The following GRIK2 variants were observed in gnomAD, a reference collection of about 807,000 sequenced individuals.
GRIK2 encodes the protein glutamate receptor ionotropic, kainate 2.
Under a neutral mutation model 100.3 loss-of-function variants are expected in GRIK2, and 32 were observed. That is an observed-to-expected ratio of 0.32 (90% CI 0.24 to 0.43). The LOEUF is 0.43. GRIK2 is among the 20% of genes least tolerant of loss of function. The probability of loss-of-function intolerance (pLI) is 1.00; values close to 1 mark genes in which losing one functional copy is unlikely to be tolerated. For synonymous variants in GRIK2, 417 were observed against 389.4 expected (o/e 1.07, Z -0.83); for missense variants, 843 against 1,114.9 (o/e 0.76, Z 3.47).
chr6:101,971,925 T>C (rs1793075914), intron 14 of GRIK2, among the ~76,000 whole-genome samples: 1 of 151,894 alleles, frequency 6.6e-6, no homozygotes, highest in Non-Finnish European at 1.5e-5. Flanking sequence ...AAGGACATGA[T>C]TTTGTTCTTT....
chr6:101,405,356 T>G (rs1775539033), intron 2 of GRIK2, among the ~76,000 whole-genome samples: 1 of 151,912 alleles, frequency 6.6e-6, no homozygotes, highest in African/African-American at 2.4e-5. Flanking sequence ...TAAATGGAAT[T>G]ATAGATCTTT....
At chr6:101,468,759 C>T (rs1047712922) in intron 2 of GRIK2, among the ~76,000 whole-genome samples, 6 of 151,888 alleles carry the variant, frequency 4.0e-5, no homozygotes, top group African/African-American at 9.7e-5. Context: ...TCCAGTAAAC[C>T]ACAGAATGAA....
rs906833617 is a variant in GRIK2, at chr6:101,879,852, G to C, written c.1525-9788G>C. Among the ~76,000 whole-genome samples, 15 of 151,812 alleles carry C rather than the reference G, an allele frequency of 9.9e-5. 1 individual carries two copies. The highest frequency in any genetic ancestry group is 2.2e-4 in the Non-Finnish European group (15 of 67,942). On this transcript the variant is annotated intron_variant, in intron 11 of 16. Coordinates refer to ENST00000369134, the MANE Select transcript of GRIK2 (RefSeq NM_021956.5). Reference sequence around the variant, plus strand: ...AAGTTCACTTTCAAATGGAAAGTGAGGTCTCACGATTTCAAGCAGTGAAAC... The same window carrying C: ...AAGTTCACTTTCAAATGGAAAGTGACGTCTCACGATTTCAAGCAGTGAAAC...
chr6:101,987,331 A>T (rs1794070620), intron 14 of GRIK2, among the ~76,000 whole-genome samples: 1 of 151,838 alleles, frequency 6.6e-6, no homozygotes, highest in Admixed American at 6.6e-5. Context: ...ATAAATTCTA[A>T]TAGTATGCAA....
At chr6:101,884,696 A>G (rs1786494662) in intron 11 of GRIK2, among the ~76,000 whole-genome samples, 1 of 152,160 alleles carries the variant, frequency 6.6e-6, no homozygotes, top group African/African-American at 2.4e-5. Flanking sequence ...TTATTGTACA[A>G]ATAAATTTTA....
chr6:101,552,202 T>C (rs935070187), intron 2 of GRIK2, among the ~76,000 whole-genome samples: 4 of 152,152 alleles, frequency 2.6e-5, no homozygotes, highest in Admixed American at 1.3e-4. Context: ...ATTCCTATCA[T>C]TTGGCAGTTG....
intron 7 of GRIK2, among the ~76,000 whole-genome samples, chr6:101,795,786 C>T (rs1780262513): frequency 6.6e-6 from 1 of 152,146 alleles, no homozygotes; most frequent in Non-Finnish European, 1.5e-5. Flanking sequence ...GGGGATAGTG[C>T]CAGGGGTGTG....
intron 12 of GRIK2, among the ~76,000 whole-genome samples, chr6:101,920,589 A>C (rs768229771): frequency 4.6e-5 from 7 of 151,914 alleles, no homozygotes; most frequent in Non-Finnish European, 7.4e-5. Context: ...CCATGAAGAG[A>C]GAATGAGGAA....
At chr6:101,404,726 G>T (rs747667096) in intron 2 of GRIK2, among the ~76,000 whole-genome samples, 20 of 152,200 alleles carry the variant, frequency 1.3e-4, no homozygotes, top group Non-Finnish European at 2.5e-4. Flanking sequence ...CATTTGGGTA[G>T]TGAAGGTTTA....
chr6:101,506,226 T>C (rs1241788094), intron 2 of GRIK2, among the ~76,000 whole-genome samples: 1 of 152,134 alleles, frequency 6.6e-6, no homozygotes, highest in African/African-American at 2.4e-5. Context: ...AAAAACACTG[T>C]TCATGTGTTT....
chr6:102,017,206 A>G (rs990851754), intron 14 of GRIK2, among the ~76,000 whole-genome samples: 3 of 152,156 alleles, frequency 2.0e-5, no homozygotes, highest in Non-Finnish European at 2.9e-5. Context: ...ACAAGTTGGC[A>G]TAATAAACAA....
chr6:101,679,480 G>A (rs1582946652), intron 5 of GRIK2, among the ~76,000 whole-genome samples: 1 of 152,084 alleles, frequency 6.6e-6, no homozygotes, highest in Non-Finnish European at 1.5e-5. Flanking sequence ...TTTATGTTGA[G>A]GCAATTATTA....
At chr6:101,799,391 A>T (rs1780532458) in intron 7 of GRIK2, among the ~76,000 whole-genome samples, 1 of 152,028 alleles carries the variant, frequency 6.6e-6, no homozygotes, top group Non-Finnish European at 1.5e-5. Context: ...CAACGGCAGT[A>T]CTAGGACTAT....
chr6:102,042,645 T>A (rs1770652042), intron 15 of GRIK2, among the ~76,000 whole-genome samples: 1 of 151,678 alleles, frequency 6.6e-6, no homozygotes, highest in Admixed American at 6.6e-5. Context: ...TATAAAATGG[T>A]CCAACTCTTA....
Position 101,676,887 on chromosome 6 carries a change from T to G in GRIK2, c.723+83T>G. 3 of 763,554 alleles carry G rather than the reference T, an allele frequency of 3.9e-6. No homozygotes were observed. The South Asian group carries it at 5.7e-5, about 14-fold the overall frequency. 47.3% of individuals were successfully genotyped at this position (763,554 alleles called of 1,614,324 possible). A position where few individuals can be genotyped will look rare whatever the true frequency, so the allele number is the denominator to read the frequency against. Reference sequence around the variant, plus strand: ...ATCTTCTTTTAAATCAAAATATTATTGTTATGCAATCAGTTATAATAACCT... The same window carrying G: ...ATCTTCTTTTAAATCAAAATATTATGGTTATGCAATCAGTTATAATAACCT... On this transcript the variant is annotated intron_variant, in intron 5 of 16. Transcript: ENST00000369134.
At chr6:101,427,162 A>T (rs1019969529) in intron 2 of GRIK2, among the ~76,000 whole-genome samples, 5 of 152,198 alleles carry the variant, frequency 3.3e-5, no homozygotes, top group Non-Finnish European at 7.3e-5. Context: ...GTATCTCAAT[A>T]TATTAACAAC....
intron 7 of GRIK2, among the ~76,000 whole-genome samples, chr6:101,753,416 G>C (rs1422608635): frequency 1.3e-5 from 2 of 151,368 alleles, no homozygotes; most frequent in Admixed American, 1.3e-4. Flanking sequence ...AAATCATTTT[G>C]TTCTTTCTTA....
chr6:101,867,035 A>G (rs1015174416), intron 11 of GRIK2, among the ~76,000 whole-genome samples: 2 of 151,926 alleles, frequency 1.3e-5, no homozygotes, highest in African/African-American at 4.8e-5. Flanking sequence ...TTTTTAACTG[A>G]AGCTCAAAAA....
At chr6:101,744,946 A>G (rs937486116) in intron 7 of GRIK2, 2 of 152,098 alleles carry the variant, frequency 1.3e-5, no homozygotes, top group African/African-American at 4.8e-5. Context: ...TTGCAACTGC[A>G]AATTGTGAGC....
Sources: gnomAD v4.1 joint callset for allele counts (sites outside exome capture counted in the v4.1 genomes callset) on GRCh38, gnomAD v4.1.1 for gene constraint, MANE v1.5 for transcripts, NCBI Gene and HGNC (gene_info 2026-07-23, HGNC 2026-07-21) for gene names.